ARHGAP15: variants seen among roughly 807,000 people sequenced by gnomAD.
ARHGAP15 encodes the protein rho GTPase-activating protein 15.
In ARHGAP15, 51 loss-of-function variants were observed where a neutral mutation model predicts 63.7. The observed-to-expected ratio is 0.80, with a 90% confidence interval of 0.64 to 1.01. ARHGAP15 has a LOEUF of 1.01. Among genes scored for constraint, ARHGAP15 ranks in the 50% least tolerant of loss-of-function variants. The pLI, the probability that ARHGAP15 is intolerant of heterozygous loss-of-function variation, is 0.00. For synonymous variants in ARHGAP15, 191 were observed against 193.8 expected (o/e 0.99, Z 0.12); for missense variants, 560 against 564.6 (o/e 0.99, Z 0.08).
intron 6 of ARHGAP15, among the ~76,000 whole-genome samples, chr2:143,405,913 G>T (rs569591879): frequency 6.6e-6 from 1 of 152,054 alleles, no homozygotes; most frequent in Admixed American, 6.6e-5. Context: ...TGTCCATAAA[G>T]TCTGGTAATG....
chr2:143,328,760 T>C (rs1272074614), intron 6 of ARHGAP15, among the ~76,000 whole-genome samples: 1 of 152,160 alleles, frequency 6.6e-6, no homozygotes, highest in Non-Finnish European at 1.5e-5. Context: ...TAAAAACTAC[T>C]ACTTCATAGC....
intron 9 of ARHGAP15, among the ~76,000 whole-genome samples, chr2:143,496,471 A>C (rs755809677): frequency 6.6e-6 from 1 of 152,174 alleles, no homozygotes; most frequent in Non-Finnish European, 1.5e-5. Context: ...TGGTTCAAGA[A>C]TTTATTTTCT....
chr2:143,622,784 A>C (rs1197114172), intron 11 of ARHGAP15, among the ~76,000 whole-genome samples: 1,510 of 13,066 alleles, frequency 0.12, 23 homozygotes, highest in South Asian at 0.25. Context: ...ATTTATTTAA[A>C]AAAAAAAAAA....
At chr2:143,232,848 TC>T (rs1693500276) in intron 5 of ARHGAP15, among the ~76,000 whole-genome samples, 1 of 152,206 alleles carries the variant, frequency 6.6e-6, no homozygotes, top group South Asian at 2.1e-4. Flanking sequence ...GTTTCTTGCT[TC>T]TTTCACTAAG....
At chr2:143,404,657 A>G (rs1173740846) in intron 6 of ARHGAP15, among the ~76,000 whole-genome samples, 2 of 151,916 alleles carry the variant, frequency 1.3e-5, no homozygotes, top group Non-Finnish European at 2.9e-5. Context: ...TGTTTGATTT[A>G]GTCATTCAGC....
chr2:143,422,414 C>T (rs1475242108), intron 6 of ARHGAP15, among the ~76,000 whole-genome samples: 1 of 152,010 alleles, frequency 6.6e-6, no homozygotes, highest in Non-Finnish European at 1.5e-5. Context: ...CTTGATGAAG[C>T]AGGCAAAAAA....
chr2:143,601,684 T>C (rs566698282), intron 11 of ARHGAP15: 1 of 152,296 alleles, frequency 6.6e-6, no homozygotes, highest in African/African-American at 2.4e-5. Flanking sequence ...TTCTAATTCC[T>C]AAAAGCCATA....
intron 12 of ARHGAP15, among the ~76,000 whole-genome samples, chr2:143,645,665 T>A (rs1183115250): frequency 1.3e-5 from 2 of 152,054 alleles, no homozygotes; most frequent in African/African-American, 4.8e-5. Context: ...TAGATTCTTT[T>A]GAATGGTAGG....
At chr2:143,385,899 A>G (rs1256045319) in intron 6 of ARHGAP15, among the ~76,000 whole-genome samples, 1 of 152,156 alleles carries the variant, frequency 6.6e-6, no homozygotes, top group Non-Finnish European at 1.5e-5. Flanking sequence ...CTATAAGACC[A>G]GTTAAAAGGC....
chr2:143,242,057 G>A (rs1693883085), intron 5 of ARHGAP15, among the ~76,000 whole-genome samples: 1 of 152,174 alleles, frequency 6.6e-6, no homozygotes, highest in African/African-American at 2.4e-5. Flanking sequence ...CTGCACTTTT[G>A]ATTAAAGTTC....
chr2:143,668,369 A>G (rs1682344717), intron 12 of ARHGAP15, among the ~76,000 whole-genome samples: 1 of 152,098 alleles, frequency 6.6e-6, no homozygotes, highest in African/African-American at 2.4e-5. Context: ...ATGGCTAATG[A>G]ATTGTTCATC....
chr2:143,596,662 C>G (rs1210081305), intron 11 of ARHGAP15, among the ~76,000 whole-genome samples: 2 of 152,000 alleles, frequency 1.3e-5, no homozygotes, highest in Non-Finnish European at 2.9e-5. Context: ...TGTATTAACC[C>G]TTACCCAAAT....
intron 1 of ARHGAP15, among the ~76,000 whole-genome samples, chr2:143,141,667 G>A (rs184880992): frequency 1.1e-3 from 170 of 152,270 alleles, no homozygotes; most frequent in African/African-American, 4.0e-3. Context: ...ATGAAGTAAT[G>A]TGAATGTCTG....
chr2:143,153,818 CTTCTTCT>C (rs1689944348), intron 1 of ARHGAP15, among the ~76,000 whole-genome samples: 3 of 83,496 alleles, frequency 3.6e-5, no homozygotes, highest in African/African-American at 8.5e-5. Flanking sequence ...TCTTCTTCTT[CTTCTTCT>C]TCTTCTTCTT....
chr2:143,338,406 T>G (rs1241734015), intron 6 of ARHGAP15, among the ~76,000 whole-genome samples: 1 of 152,196 alleles, frequency 6.6e-6, no homozygotes, highest in Non-Finnish European at 1.5e-5. Context: ...GGAAAATTAT[T>G]GTCAAGGAGC....
chr2:143,168,762 C>T (rs935566127), intron 2 of ARHGAP15, among the ~76,000 whole-genome samples: 6 of 151,942 alleles, frequency 3.9e-5, no homozygotes, highest in East Asian at 3.9e-4. Context: ...AAATCAACTT[C>T]GATTTAACTA....
intron 13 of ARHGAP15, among the ~76,000 whole-genome samples, chr2:143,713,838 G>T (rs1684690912): frequency 6.6e-6 from 1 of 152,190 alleles, no homozygotes; most frequent in South Asian, 2.1e-4. Context: ...ACAAGAGGTG[G>T]GTTCCCATGG....
intron 6 of ARHGAP15, among the ~76,000 whole-genome samples, chr2:143,413,966 T>TGTGTGTGTGCAC: frequency 5.1e-5 from 6 of 117,924 alleles, no homozygotes; most frequent in African/African-American, 2.1e-4. Flanking sequence ...TGTGTGTGTG[T>TGTGTGTGTGCAC]GCGCGCTCTC....
intron 13 of ARHGAP15, among the ~76,000 whole-genome samples, chr2:143,757,757 T>C (rs1002988364): frequency 6.6e-5 from 10 of 152,124 alleles, no homozygotes; most frequent in Non-Finnish European, 1.3e-4. Flanking sequence ...AATTAGATGA[T>C]ATGCTTTTAA....
Sources: gnomAD v4.1 joint callset for allele counts (sites outside exome capture counted in the v4.1 genomes callset) on GRCh38, gnomAD v4.1.1 for gene constraint, MANE v1.5 for transcripts, NCBI Gene and HGNC (gene_info 2026-07-23, HGNC 2026-07-21) for gene names.